The following CEP290 variants were observed in gnomAD, a reference collection of about 807,000 sequenced individuals.
CEP290 encodes centrosomal protein of 290 kDa.
Under a neutral mutation model 344.9 loss-of-function variants are expected in CEP290, and 317 were observed. That is an observed-to-expected ratio of 0.92 (90% CI 0.84 to 1.01). The LOEUF is 1.01. Ranked by LOEUF, CEP290 falls within the 50% of genes least tolerant of loss-of-function variation. The pLI, the probability that CEP290 is intolerant of heterozygous loss-of-function variation, is 0.00. For synonymous variants in CEP290, 932 were observed against 895.8 expected (o/e 1.04, Z -0.72); for missense variants, 2,754 against 2,761.4 (o/e 1.00, Z 0.06).
intron 28 of CEP290, 112 bp downstream of exon 28, chr12:88,093,658 T>G (rs1314979532): frequency 1.4e-6 from 1 of 720,580 alleles, no homozygotes; most frequent in Non-Finnish European, 2.3e-6. Flanking sequence ...ACATAGGCAC[T>G]ATATTAATAA....
chr12:88,138,079 C>T (rs1441795681), intron 5 of CEP290, among the ~76,000 whole-genome samples: 1 of 152,176 alleles, frequency 6.6e-6, no homozygotes, highest in Admixed American at 6.5e-5. Context: ...CTCACTCCCA[C>T]ACCCACATCA....
intron 11 of CEP290, among the ~76,000 whole-genome samples, chr12:88,127,688 T>G (rs1253348105): frequency 3.3e-5 from 5 of 152,190 alleles, no homozygotes; most frequent in African/African-American, 1.2e-4. Flanking sequence ...AGAATGTATT[T>G]GCAACATACA....
intron 13 of CEP290, among the ~76,000 whole-genome samples, chr12:88,123,728 T>C (rs947746864): frequency 6.6e-6 from 1 of 152,128 alleles, no homozygotes; most frequent in African/African-American, 2.4e-5. Context: ...TTACCAAACA[T>C]ATCTTTAGCC....
At chr12:88,117,283 C>T (rs1185738378) in intron 17 of CEP290, 138 bp from the exon 18 acceptor site, 5 of 546,658 alleles carry the variant, frequency 9.1e-6, no homozygotes, top group Non-Finnish European at 1.6e-5. Context: ...CAAAATTCTA[C>T]ATAGCCAATA....
intron 23 of CEP290, among the ~76,000 whole-genome samples, chr12:88,108,168 G>A (rs957398310): frequency 6.6e-6 from 1 of 152,112 alleles, no homozygotes; most frequent in African/African-American, 2.4e-5. Context: ...GTCTACACAT[G>A]AGCATTCCAC....
At chr12:88,072,873 T>C (rs1000692643) in intron 41 of CEP290, among the ~76,000 whole-genome samples, 1 of 152,078 alleles carries the variant, frequency 6.6e-6, no homozygotes, top group Non-Finnish European at 1.5e-5. Context: ...ACGATACAGA[T>C]AACAAAACAA....
At chr12:88,119,711 AT>A (rs1226948835) in intron 15 of CEP290, among the ~76,000 whole-genome samples, 6 of 152,228 alleles carry the variant, frequency 3.9e-5, no homozygotes, top group Non-Finnish European at 2.9e-5. Context: ...AGGCAGGAGA[AT>A]CACAACACAG....
chr12:88,077,117 G>A lies in CEP290; in HGVS notation c.5709+105C>T, dbSNP rs1222352765. On this transcript the variant is annotated intron_variant, in intron 41 of 53. Transcript: ENST00000552810. ...TCAAAATTAATACAGAATTAATACA[G>A]CCAGGTCATCAAATTAAGGCAGTAT... 7.5e-6 allele frequency: 8 copies of A among 1,067,502 alleles called. No homozygotes were observed. In the African/African-American group the frequency reaches 1.2e-4, roughly 15 times the overall value. 66.1% of individuals were successfully genotyped at this position (1,067,502 alleles called of 1,614,324 possible). A position where few individuals can be genotyped will look rare whatever the true frequency, so the allele number is the denominator to read the frequency against.
chr12:88,077,396 TAGAC>T (rs1404355699), intron 40 of CEP290, 52 bp from the exon 41 acceptor site: 39 of 1,197,370 alleles, frequency 3.3e-5, no homozygotes, highest in Non-Finnish European at 3.3e-5. Flanking sequence ...TAAAACAAAA[TAGAC>T]AGTAAATATT....
At chr12:88,133,624 A>G (rs905960843) in intron 6 of CEP290, among the ~76,000 whole-genome samples, 1 of 152,196 alleles carries the variant, frequency 6.6e-6, no homozygotes, top group Non-Finnish European at 1.5e-5. Context: ...TAGATCTTCG[A>G]GGAATTGCCA....
intron 31 of CEP290, 97 bp downstream of exon 31, chr12:88,088,935 C>T (rs2036798739): frequency 3.7e-6 from 3 of 820,178 alleles, no homozygotes; most frequent in Middle Eastern, 3.8e-4. Flanking sequence ...TCCCTTGAGC[C>T]CAGGAGTTCC....
rs184126804 is a variant in CEP290 at position 88,139,469 on chromosome 12, T to C, written c.250+26A>G. 3.7e-5 allele frequency: 58 copies of C among 1,571,206 alleles called. No homozygotes were observed. In the South Asian group the frequency reaches 3.9e-4, roughly 11 times the overall value. On this transcript the variant is annotated intron_variant, in intron 4 of 53. Transcript: ENST00000552810. ...AAATGGAATTCATTATTTAATACCATAATAAACTTTTTCCAAGGTGCTTAC... is the reference window on the plus strand; with the variant it reads ...AAATGGAATTCATTATTTAATACCACAATAAACTTTTTCCAAGGTGCTTAC...
chr12:88,107,996 G>GTA (rs1443485221), intron 23 of CEP290, among the ~76,000 whole-genome samples: 4 of 151,550 alleles, frequency 2.6e-5, no homozygotes, highest in Non-Finnish European at 5.9e-5. Flanking sequence ...ACACCATGTT[G>GTA]TATAGCATAG....
In CEP290 at chr12:88,084,946, T is replaced by A. The variant is rs2036468865; in HGVS notation, c.4438-94A>T. On this transcript the variant is annotated intron_variant, in intron 34 of 53. Coordinates refer to ENST00000552810, the MANE Select transcript of CEP290 (RefSeq NM_025114.4). The stretch of plus-strand genomic sequence containing the variant: ...TAGATTAGTTATTAGCCAAAAAAAA[T>A]TCACTTTATTTTTCACATCATATGT... 3.0e-6 allele frequency: 3 copies of A among 1,004,772 alleles called. No individual in the cohort carries two copies. The African/African-American group carries it at 4.9e-5, about 16-fold the overall frequency. The allele number at this position is 1,004,772 out of a possible 1,614,324, so 62.2% of individuals were successfully genotyped here.
At chr12:88,100,951 T>A (rs1367052102) in intron 26 of CEP290, among the ~76,000 whole-genome samples, 2 of 152,110 alleles carry the variant, frequency 1.3e-5, no homozygotes, top group Non-Finnish European at 1.5e-5. Context: ...CTAGATGACA[T>A]GAGGTAAGTA....
chr12:88,137,015 G>A (rs929110517), intron 5 of CEP290, among the ~76,000 whole-genome samples: 3 of 151,742 alleles, frequency 2.0e-5, no homozygotes, highest in Non-Finnish European at 4.4e-5. Context: ...GAGATGCAAA[G>A]AATTGACTGT....
chr12:88,080,479 G>A, intron 37 of CEP290, 84 bp from the exon 38 acceptor site: 3 of 978,516 alleles, frequency 3.1e-6, no homozygotes, highest in Non-Finnish European at 4.5e-6. Context: ...ACCCAGGCTG[G>A]AGTGCAGCAG....
Position 88,062,687 on chromosome 12 carries a change from C to T in CEP290, c.6357+5G>A. On this transcript the variant is annotated splice_donor_5th_base_variant and intron_variant, in intron 46 of 53. Coordinates refer to ENST00000552810, the MANE Select transcript of CEP290 (RefSeq NM_025114.4). ...AAAACAAATGTATGGTAAATTCTCA[C>T]ATACCCCTCTAACATGGCCAAGTTT... 6.3e-7 allele frequency: 1 copy of T among 1,587,508 alleles called. No individual in the cohort carries two copies. Among genetic ancestry groups the T allele is most frequent in the Non-Finnish European group, 8.6e-7 (1 of 1,160,342 alleles).
At chr12:88,105,734 T>C (rs1406797764) in intron 25 of CEP290, among the ~76,000 whole-genome samples, 1 of 152,016 alleles carries the variant, frequency 6.6e-6, no homozygotes, top group Admixed American at 6.6e-5. Flanking sequence ...TTCTTCTTCT[T>C]CTTCTTTTTT....
Sources: allele counts gnomAD v4.1 joint callset (sites outside exome capture counted in the v4.1 genomes callset), GRCh38; gene constraint gnomAD v4.1.1; transcripts MANE v1.5; gene names NCBI Gene and HGNC (gene_info 2026-07-23, HGNC 2026-07-21).